The following SCARA5 variants were observed in gnomAD, a reference collection of about 807,000 sequenced individuals.
The protein encoded by SCARA5 is scavenger receptor class A member 5, also known as scavenger receptor class A, member 5 (putative).
SCARA5 carries 45 observed loss-of-function variants against 46.3 expected under a neutral mutation model. The observed-to-expected ratio is 0.97, with a 90% CI of 0.76 to 1.24. The LOEUF (loss-of-function observed/expected upper bound fraction) is 1.24, where lower values mean the gene tolerates loss of function less well. Ranked by LOEUF, SCARA5 falls within the 50% of genes most tolerant of loss-of-function variation. SCARA5 has a pLI of 0.00. For missense variants in SCARA5, 680 were observed against 689.0 expected, an observed-to-expected ratio of 0.99 and a Z score of 0.15; for synonymous variants, 333 against 306.5, an observed-to-expected ratio of 1.09 and a Z score of -0.90.
At chr8:27,901,839 G>A (rs1016155818) in intron 7 of SCARA5, among the ~76,000 whole-genome samples, 4 of 152,340 alleles carry the variant, frequency 2.6e-5, no homozygotes, top group African/African-American at 9.6e-5. Context: ...ACCAGGGGCC[G>A]AAGCCCCCAT....
rs1360567839 is a variant in SCARA5, at chr8:27,966,505, G to C, written c.150C>G (p.Thr50=). 4 of 1,613,686 alleles carry C rather than the reference G, an allele frequency of 2.5e-6. No individual in the cohort carries two copies. Among genetic ancestry groups the C allele is most frequent in the Non-Finnish European group, 3.4e-6 (4 of 1,179,846 alleles). The change falls in exon 3 of 9, where the codon ACC becomes ACG. Residue 50 remains threonine (T), a synonymous_variant. Transcript: ENST00000354914. ...TCAGGGCCGACAGGGACCCCAGCTGGGTACAGCAGATGCTTGCCCGCCGTT... is the reference window on the plus strand; with the variant it reads ...TCAGGGCCGACAGGGACCCCAGCTGCGTACAGCAGATGCTTGCCCGCCGTT... ...CHKRRASICC[T]QLGSLSALKH... is the part of the protein sequence containing the mutation.
intron 4 of SCARA5, among the ~76,000 whole-genome samples, chr8:27,915,796 C>G (rs1221563968): frequency 1.3e-5 from 2 of 151,992 alleles, no homozygotes; most frequent in Non-Finnish European, 2.9e-5. Context: ...AACTACAAAA[C>G]AAAAAGAGTG....
intron 2 of SCARA5, among the ~76,000 whole-genome samples, chr8:27,984,866 T>C (rs1442214097): frequency 6.6e-6 from 1 of 152,154 alleles, no homozygotes; most frequent in African/African-American, 2.4e-5. Flanking sequence ...CATCCATCCA[T>C]CCATCCATTC....
chr8:27,983,545 G>T (rs567146890), intron 2 of SCARA5, among the ~76,000 whole-genome samples: 5 of 152,182 alleles, frequency 3.3e-5, no homozygotes, highest in African/African-American at 1.2e-4. Flanking sequence ...CTCAGAGTCC[G>T]GTTCCAGCTC....
At chr8:27,883,021 G>T (rs1046583341) in intron 7 of SCARA5, among the ~76,000 whole-genome samples, 1 of 152,154 alleles carries the variant, frequency 6.6e-6, no homozygotes, top group Non-Finnish European at 1.5e-5. Flanking sequence ...AAGCTAAAAG[G>T]GCTCTGGGGC....
chr8:27,934,955 C>A (rs1807831503), intron 3 of SCARA5, among the ~76,000 whole-genome samples: 2 of 152,246 alleles, frequency 1.3e-5, no homozygotes, highest in Admixed American at 1.3e-4. Flanking sequence ...GGTGACCCTT[C>A]CATCATACTT....
intron 2 of SCARA5, among the ~76,000 whole-genome samples, chr8:27,975,018 G>T (rs574110882): frequency 6.6e-6 from 1 of 152,152 alleles, no homozygotes; most frequent in East Asian, 1.9e-4. Flanking sequence ...CCCCTAGATC[G>T]CCTCAGGATG....
intron 7 of SCARA5, among the ~76,000 whole-genome samples, chr8:27,883,848 C>T (rs190262573): frequency 6.6e-6 from 1 of 152,316 alleles, no homozygotes; most frequent in African/African-American, 2.4e-5. Flanking sequence ...CTACTCAAGC[C>T]CTGCTACTAA....
chr8:27,910,602 G>C (rs1807357676), intron 4 of SCARA5, among the ~76,000 whole-genome samples: 1 of 152,214 alleles, frequency 6.6e-6, no homozygotes, highest in Admixed American at 6.5e-5. Context: ...TGTGGAAACT[G>C]GGTGAGAACA....
In SCARA5 at chr8:27,921,524, C is replaced by A. The variant is rs930286134; in HGVS notation, c.916+47G>T. The A allele has an allele frequency of 2.0e-6, 3 of 1,479,750 alleles. No individual in the cohort carries two copies. In the African/African-American group the frequency reaches 4.3e-5, roughly 21 times the overall value. The allele number at this position is 1,479,750 out of a possible 1,614,324, so 91.7% of individuals were successfully genotyped here. A position where few individuals can be genotyped will look rare whatever the true frequency, so the allele number is the denominator to read the frequency against. On this transcript the variant is annotated intron_variant, in intron 4 of 8. Coordinates refer to ENST00000354914, the MANE Select transcript of SCARA5 (RefSeq NM_173833.6). Reference sequence around the variant, plus strand: ...GGGGAGGGGCGTGCAGGAGGAAGACCCCATCAGAAGGGGCCGTGGGTGGAG... The same window carrying A: ...GGGGAGGGGCGTGCAGGAGGAAGACACCATCAGAAGGGGCCGTGGGTGGAG...
At chr8:27,967,064 C>T (rs1034466263) in intron 2 of SCARA5, among the ~76,000 whole-genome samples, 1 of 152,150 alleles carries the variant, frequency 6.6e-6, no homozygotes, top group East Asian at 1.9e-4. Context: ...GTGGCCAGAT[C>T]CAGAATTTTC....
intron 3 of SCARA5, among the ~76,000 whole-genome samples, chr8:27,947,396 A>C (rs1293836824): frequency 2.1e-4 from 32 of 152,206 alleles, no homozygotes; most frequent in South Asian, 4.1e-4. Context: ...AAAGAATTGA[A>C]AGCAAGGGCT....
At position 27,987,640 on chromosome 8, in the gene SCARA5, AG is replaced by A; in HGVS notation, c.-15-11del. 1 of 1,521,504 alleles carries A rather than the reference AG, an allele frequency of 6.6e-7. No homozygotes were observed. Among genetic ancestry groups the A allele is most frequent in the South Asian group, 1.1e-5 (1 of 89,220 alleles). 94.3% of individuals were successfully genotyped at this position (1,521,504 alleles called of 1,614,324 possible). ...TCACACCCTGCAACAGCTGCAGAGA[AG>A]GCAAGAGGGGAGGAGAGGGAGGACG... On this transcript the variant is annotated splice_polypyrimidine_tract_variant and intron_variant, in intron 1 of 8. Transcript: ENST00000354914.
chr8:27,965,396 G>A (rs903039550), intron 3 of SCARA5, among the ~76,000 whole-genome samples: 16 of 152,176 alleles, frequency 1.1e-4, no homozygotes, highest in Non-Finnish European at 2.1e-4. Context: ...CAGCAGCCTC[G>A]CTCCCACCAA....
At chr8:27,991,377 T>A (rs1808783808) in intron 1 of SCARA5, among the ~76,000 whole-genome samples, 1 of 152,166 alleles carries the variant, frequency 6.6e-6, no homozygotes, top group Admixed American at 6.5e-5. Flanking sequence ...GGTGTCCAGG[T>A]TCCCAAGGCC....
At chr8:27,908,292 A>G (rs543783618) in intron 5 of SCARA5, among the ~76,000 whole-genome samples, 61 of 152,238 alleles carry the variant, frequency 4.0e-4, no homozygotes, top group Non-Finnish European at 8.1e-4. Context: ...CCTGCTGCCA[A>G]TCAAGCCCCA....
intron 4 of SCARA5, among the ~76,000 whole-genome samples, chr8:27,917,186 C>T (rs369584022): frequency 1.3e-5 from 2 of 152,194 alleles, no homozygotes; most frequent in East Asian, 1.9e-4. Context: ...GATGGATACA[C>T]CCATCAAGAA....
intron 2 of SCARA5, among the ~76,000 whole-genome samples, chr8:27,981,237 G>A (rs1808609495): frequency 6.6e-6 from 1 of 152,208 alleles, no homozygotes; most frequent in Non-Finnish European, 1.5e-5. Context: ...CTCAGATTAG[G>A]ACACATCACA....
intron 7 of SCARA5, among the ~76,000 whole-genome samples, chr8:27,899,528 G>A (rs1240613829): frequency 1.3e-5 from 2 of 152,198 alleles, no homozygotes; most frequent in Non-Finnish European, 2.9e-5. Context: ...TTCCCGAGAG[G>A]AAGGGTCTGT....
Sources: allele counts gnomAD v4.1 joint callset (sites outside exome capture counted in the v4.1 genomes callset), GRCh38; gene constraint gnomAD v4.1.1; transcripts MANE v1.5; gene names NCBI Gene and HGNC (gene_info 2026-07-23, HGNC 2026-07-21).